MIPOL1: variants seen among roughly 807,000 people sequenced by gnomAD.
MIPOL1 encodes the protein mirror-image polydactyly 1, also known as mirror-image polydactyly gene 1 protein.
Under a neutral mutation model 60.9 loss-of-function variants are expected in MIPOL1, and 57 were observed. The ratio of observed to expected loss-of-function variants is 0.94; its 90% CI spans 0.76 to 1.17. The LOEUF is 1.17. Among genes scored for constraint, MIPOL1 ranks in the 50% most tolerant of loss-of-function variants. The pLI, the probability that MIPOL1 is intolerant of heterozygous loss-of-function variation, is 0.00. For synonymous variants in MIPOL1, 179 were observed against 168.8 expected (o/e 1.06, Z -0.47); for missense variants, 551 against 511.6 (o/e 1.08, Z -0.74).
chr14:37,445,199 C>T (rs1370971116), intron 11 of MIPOL1, among the ~76,000 whole-genome samples: 2 of 151,874 alleles, frequency 1.3e-5, no homozygotes, highest in African/African-American at 4.8e-5. Flanking sequence ...CCCAAAATCT[C>T]CTTAAGCTGA....
Position 37,481,058 on chromosome 14 carries a change from T to C in MIPOL1, c.1032-18850T>C, listed in dbSNP as rs554341327. ...TGGAAGGCTGACACAGGAGGATTGC[T>C]TGAGCCCAGGAGTACAAGGTTACAG... is the stretch of plus-strand genomic sequence containing the variant. On this transcript the variant is annotated intron_variant, in intron 11 of 12. Coordinates refer to ENST00000684589, the MANE Select transcript of MIPOL1 (RefSeq NM_001388067.1). Among the ~76,000 whole-genome samples the C allele has an allele frequency of 6.0e-4, 92 of 152,278 alleles. No individual in the cohort carries two copies. The Middle Eastern group carries it at 0.031, about 51-fold the overall frequency.
At chr14:37,235,570 G>T (rs1468042035) in intron 1 of MIPOL1, among the ~76,000 whole-genome samples, 8 of 152,034 alleles carry the variant, frequency 5.3e-5, no homozygotes, top group Non-Finnish European at 1.2e-4. Flanking sequence ...ATTCATTCTT[G>T]TTTGTGTGTA....
chr14:37,358,681 G>T (rs999237194), intron 9 of MIPOL1, among the ~76,000 whole-genome samples: 3 of 151,850 alleles, frequency 2.0e-5, no homozygotes, highest in Admixed American at 6.6e-5. Flanking sequence ...TTTTCACGGG[G>T]TTGCCTTTTT....
intron 3 of MIPOL1, among the ~76,000 whole-genome samples, chr14:37,261,437 A>T (rs1421327889): frequency 6.6e-6 from 1 of 152,118 alleles, no homozygotes; most frequent in Non-Finnish European, 1.5e-5. Context: ...GTGCAACTAT[A>T]TGCTGACTAT....
At chr14:37,198,580 A>AT (rs898766672) in intron 1 of MIPOL1, among the ~76,000 whole-genome samples, 42 of 147,766 alleles carry the variant, frequency 2.8e-4, no homozygotes, top group Non-Finnish European at 3.6e-4. Flanking sequence ...TACTGTTAGA[A>AT]TTTTTTTTTT....
chr14:37,321,471 T>G (rs1206196338), intron 9 of MIPOL1, among the ~76,000 whole-genome samples: 1 of 151,996 alleles, frequency 6.6e-6, no homozygotes, highest in Non-Finnish European at 1.5e-5. Context: ...ACTATTTCAA[T>G]CCTTAGAAAT....
intron 12 of MIPOL1, among the ~76,000 whole-genome samples, chr14:37,521,183 C>T (rs1438869681): frequency 2.0e-5 from 3 of 151,940 alleles, no homozygotes; most frequent in Admixed American, 6.6e-5. Context: ...GTGATCCACC[C>T]GCCTCAGTCT....
rs953330151 is a variant in MIPOL1 at position 37,432,208 on chromosome 14, A to G, written c.1031+9259A>G. 1.3e-4 allele frequency among the ~76,000 whole-genome samples: 20 copies of G among 152,300 alleles called. 1 individual carries two copies. The Middle Eastern group carries it at 0.01, about 78-fold the overall frequency. ...TTTCTAATCTTGTCCGTTAGAAGTG[A>G]TCTCACTGTGTAAAATTCCTACCAT... On this transcript the variant is annotated intron_variant, in intron 11 of 12. Transcript: ENST00000684589.
intron 10 of MIPOL1, among the ~76,000 whole-genome samples, chr14:37,405,380 C>G (rs919003744): frequency 1.3e-5 from 2 of 152,104 alleles, no homozygotes; most frequent in African/African-American, 4.8e-5. Context: ...ATCAAAGCCT[C>G]TTCCTTTGGT....
intron 1 of MIPOL1, among the ~76,000 whole-genome samples, chr14:37,245,043 A>G (rs927810389): frequency 6.6e-6 from 1 of 152,162 alleles, no homozygotes; most frequent in African/African-American, 2.4e-5. Context: ...GAAAAATGAG[A>G]TGTCTGAGCT....
chr14:37,414,485 T>C (rs1288720888), intron 10 of MIPOL1, among the ~76,000 whole-genome samples: 1 of 152,208 alleles, frequency 6.6e-6, no homozygotes, highest in African/African-American at 2.4e-5. Flanking sequence ...TATCTTCCCT[T>C]GTGAAATATC....
intron 10 of MIPOL1, among the ~76,000 whole-genome samples, chr14:37,374,407 T>C (rs1436555645): frequency 6.6e-6 from 1 of 152,210 alleles, no homozygotes; most frequent in African/African-American, 2.4e-5. Context: ...CATTTGTCTA[T>C]TTTGACTTTT....
chr14:37,236,700 A>C (rs1971546790), intron 1 of MIPOL1, among the ~76,000 whole-genome samples: 1 of 152,034 alleles, frequency 6.6e-6, no homozygotes, highest in African/African-American at 2.4e-5. Context: ...GGCCTCCCAA[A>C]GTGCTGGGAT....
At chr14:37,323,111 C>G (rs1031238749) in intron 9 of MIPOL1, among the ~76,000 whole-genome samples, 8 of 152,040 alleles carry the variant, frequency 5.3e-5, no homozygotes, top group African/African-American at 1.9e-4. Flanking sequence ...GGTTTTAGGT[C>G]TTATGTTTAA....
intron 6 of MIPOL1, chr14:37,276,313 T>G (rs1293640539): frequency 6.6e-6 from 1 of 151,096 alleles, no homozygotes; most frequent in Non-Finnish European, 1.5e-5. Context: ...CAGAGAATGT[T>G]TATTTTCTTT....
intron 12 of MIPOL1, among the ~76,000 whole-genome samples, chr14:37,525,394 T>C (rs1489007141): frequency 2.0e-5 from 3 of 152,188 alleles, no homozygotes; most frequent in Non-Finnish European, 2.9e-5. Flanking sequence ...TTCCATTAAC[T>C]CTTTGGGCTA....
chr14:37,211,890 G>T (rs1056122922), intron 1 of MIPOL1, among the ~76,000 whole-genome samples: 2 of 151,928 alleles, frequency 1.3e-5, no homozygotes, highest in African/African-American at 4.8e-5. Context: ...AGCCACAGCA[G>T]AATAGGGCAC....
chr14:37,523,834 A>T (rs765302462), intron 12 of MIPOL1, among the ~76,000 whole-genome samples: 27 of 152,174 alleles, frequency 1.8e-4, no homozygotes, highest in Non-Finnish European at 2.6e-4. Flanking sequence ...AATTCCTAGG[A>T]ATGCTAGGAA....
chr14:37,547,795 G>A lies in MIPOL1; in HGVS notation c.*824G>A, dbSNP rs776043164. 1.3e-5 allele frequency: 2 copies of A among 151,906 alleles called. No homozygotes were observed. The highest frequency in any genetic ancestry group is 6.6e-5 in the Admixed American group (1 of 15,256). The allele number at this position is 151,906 out of a possible 1,614,324, so 9.4% of individuals were successfully genotyped here. A position where few individuals can be genotyped will look rare whatever the true frequency, so the allele number is the denominator to read the frequency against. On this transcript the variant is annotated 3_prime_UTR_variant, in exon 13 of 13. Coordinates refer to ENST00000684589, the MANE Select transcript of MIPOL1 (RefSeq NM_001388067.1). The stretch of plus-strand genomic sequence containing the variant: ...TAAAAGAGACCATCAAACCTATTAA[G>A]TATTCTTATTGTTTATCTTTTTTTA...
Sources: gnomAD v4.1 joint callset for allele counts (sites outside exome capture counted in the v4.1 genomes callset) on GRCh38, gnomAD v4.1.1 for gene constraint, MANE v1.5 for transcripts, NCBI Gene and HGNC (gene_info 2026-07-23, HGNC 2026-07-21) for gene names.